The following HYDIN variants were observed in gnomAD, a reference collection of about 807,000 sequenced individuals.
The protein encoded by HYDIN is axonemal central pair apparatus protein HYDIN.
In HYDIN, 132 loss-of-function variants were observed where a neutral mutation model predicts 403.9. The observed-to-expected ratio is 0.33, with a 90% CI of 0.28 to 0.38. The LOEUF is 0.38. Ranked by LOEUF, HYDIN falls within the 10% of genes least tolerant of loss-of-function variation. The pLI, the probability that HYDIN is intolerant of heterozygous loss-of-function variation, is 1.00. For missense variants in HYDIN, 2,827 were observed against 5,009.5 expected, an observed-to-expected ratio of 0.56 and a Z score of 13.15; for synonymous variants, 1,202 against 1,891.7, an observed-to-expected ratio of 0.64 and a Z score of 9.46.
At chr16:70,943,723 T>G in intron 42 of HYDIN, 89 bp downstream of exon 42, 1 of 1,503,348 alleles carries the variant, frequency 6.7e-7, no homozygotes, top group South Asian at 1.3e-5. Context: ...CTGCCGTGGG[T>G]GGCTGATGGC....
chr16:70,908,888 T>C, intron 47 of HYDIN, 27 bp from the exon 48 acceptor site: 1 of 1,608,326 alleles, frequency 6.2e-7, no homozygotes, highest in African/African-American at 1.3e-5. Flanking sequence ...CATGAGGTCT[T>C]AAATATTCAC....
chr16:71,043,311 C>A (rs1322399504), intron 18 of HYDIN, among the ~76,000 whole-genome samples: 6 of 150,450 alleles, frequency 4.0e-5, no homozygotes, highest in Admixed American at 6.6e-5. Flanking sequence ...ATTTGATGAA[C>A]CTTCTCCGTA....
chr16:71,107,233 G>A (rs1287791855), intron 10 of HYDIN, among the ~76,000 whole-genome samples: 1 of 151,230 alleles, frequency 6.6e-6, no homozygotes, highest in Non-Finnish European at 1.5e-5. Flanking sequence ...CACCAACATG[G>A]CACATGTATA....
At chr16:71,195,323 A>T (rs1340763237) in intron 1 of HYDIN, among the ~76,000 whole-genome samples, 2 of 152,062 alleles carry the variant, frequency 1.3e-5, no homozygotes, top group African/African-American at 2.4e-5. Flanking sequence ...TGCTTTCTGG[A>T]AGTAAATGTG....
intron 8 of HYDIN, among the ~76,000 whole-genome samples, chr16:71,133,514 C>T (rs1029444182): frequency 6.6e-6 from 1 of 152,170 alleles, no homozygotes; most frequent in African/African-American, 2.4e-5. Flanking sequence ...TCTAAGGAAA[C>T]ATGTCATTTC....
At chr16:70,962,521 T>A (rs968912676) in intron 37 of HYDIN, among the ~76,000 whole-genome samples, 2 of 152,236 alleles carry the variant, frequency 1.3e-5, no homozygotes, top group Non-Finnish European at 2.9e-5. Context: ...CTCAGATTTT[T>A]AATTTTTAAT....
At chr16:71,220,578 C>A (rs1394392478) in intron 1 of HYDIN, among the ~76,000 whole-genome samples, 1 of 152,172 alleles carries the variant, frequency 6.6e-6, no homozygotes, top group Non-Finnish European at 1.5e-5. Flanking sequence ...TTTGCTAAAC[C>A]TGAATTTTTC....
At chr16:71,000,952 T>G (rs2079687832) in intron 23 of HYDIN, among the ~76,000 whole-genome samples, 1 of 151,930 alleles carries the variant, frequency 6.6e-6, no homozygotes, top group Non-Finnish European at 1.5e-5. Context: ...CTTCTCAAAC[T>G]ATGTATCTAT....
At chr16:70,909,188 G>C (rs908911980) in intron 47 of HYDIN, among the ~76,000 whole-genome samples, 13 of 151,584 alleles carry the variant, frequency 8.6e-5, no homozygotes, top group Non-Finnish European at 1.3e-4. Flanking sequence ...CCATCTGCTT[G>C]CTGTCTACTT....
At position 70,896,069 on chromosome 16, in the gene HYDIN, T is replaced by C; in HGVS notation, c.9060A>G (p.Ala3020=). ...TCTGAACAACACCAAGAAGATTTTC[T>C]GCATCTAAAACCTGGCAGGGAAAGG... ...KKAIRLEVLD[A]ENLLGVVQIE... is the part of the protein sequence containing the mutation. Residue 3020 remains alanine (A), a synonymous_variant, in exon 54 of 86, where the codon GCA becomes GCG. Transcript: ENST00000393567. The C allele has an allele frequency of 6.2e-7, 1 of 1,613,688 alleles. No individual in the cohort carries two copies.
chr16:71,158,660 T>C (rs2085879105), intron 6 of HYDIN, among the ~76,000 whole-genome samples: 1 of 151,396 alleles, frequency 6.6e-6, no homozygotes, highest in Non-Finnish European at 1.5e-5. Context: ...GGAGACCATT[T>C]TTTCAATTGA....
At position 70,964,972 on chromosome 16, in the gene HYDIN, G is replaced by T; in HGVS notation, c.5620-76C>A. 9.8e-6 allele frequency: 8 copies of T among 812,710 alleles called. No homozygotes were observed. In the South Asian group the frequency reaches 1.4e-4, roughly 14 times the overall value. The allele number at this position is 812,710 out of a possible 1,614,324, so 50.3% of individuals were successfully genotyped here. On this transcript the variant is annotated intron_variant, in intron 36 of 85. Transcript: ENST00000393567. The stretch of plus-strand genomic sequence containing the variant: ...GCAGCTCTAAGTGGGTCTGCTCACT[G>T]ATTTTATAAAACTCCTGCTCCTGCC...
In HYDIN at chr16:71,195,618, T is replaced by G. The variant is rs141070566; in HGVS notation, c.-23-8700A>C. ...CTCTAAAGCTGTTGTGTGCTATGGT[T>G]TTCTATTTATTTGATCTTTTTAAAA... On this transcript the variant is annotated intron_variant, in intron 1 of 85. Transcript: ENST00000393567. Among the ~76,000 whole-genome samples the G allele has an allele frequency of 3.0e-3, 463 of 152,288 alleles. 1 individual carries two copies. Among genetic ancestry groups the G allele is most frequent in the African/African-American group, 0.011 (447 of 41,538 alleles).
At chr16:70,978,361 C>T in intron 30 of HYDIN, among the ~76,000 whole-genome samples, 1 of 148,284 alleles carries the variant, frequency 6.7e-6, no homozygotes, top group Non-Finnish European at 1.5e-5. Context: ...CCTAGAATGA[C>T]TCCATCAGCT....
chr16:70,977,540 C>T (rs1597455974), intron 30 of HYDIN, among the ~76,000 whole-genome samples: 1 of 151,714 alleles, frequency 6.6e-6, no homozygotes, highest in South Asian at 2.1e-4. Flanking sequence ...CCCCATGACA[C>T]CTTTCTCCCC....
chr16:70,901,767 G>T (rs1348352358), intron 52 of HYDIN, among the ~76,000 whole-genome samples: 1 of 151,766 alleles, frequency 6.6e-6, no homozygotes, highest in Non-Finnish European at 1.5e-5. Flanking sequence ...TGTATTTTTA[G>T]TACAGACGGG....
chr16:70,906,015 G>A (rs1161372236), intron 50 of HYDIN, among the ~76,000 whole-genome samples: 8 of 151,884 alleles, frequency 5.3e-5, no homozygotes, highest in Non-Finnish European at 8.8e-5. Context: ...CCCATAAGCT[G>A]CACCGAGAAA....
chr16:71,043,304 T>C (rs2081345533), intron 18 of HYDIN, among the ~76,000 whole-genome samples: 1 of 150,758 alleles, frequency 6.6e-6, no homozygotes. Flanking sequence ...GCAGCATATT[T>C]GATGAACCTT....
chr16:70,875,724 C>T (rs188890367), intron 62 of HYDIN, among the ~76,000 whole-genome samples: 4 of 152,166 alleles, frequency 2.6e-5, no homozygotes, highest in African/African-American at 9.6e-5. Flanking sequence ...CCTAAATGTT[C>T]CTGGTGGAGA....
Sources: allele counts gnomAD v4.1 joint callset (sites outside exome capture counted in the v4.1 genomes callset), GRCh38; gene constraint gnomAD v4.1.1; transcripts MANE v1.5; gene names NCBI Gene and HGNC (gene_info 2026-07-23, HGNC 2026-07-21).